Variants in INTS9 observed in about 807,000 individuals in gnomAD.
INTS9 encodes the protein integrator complex subunit 9, also known as protein related to CPSF subunits of 74 kDa.
In INTS9, 55 loss-of-function variants were observed where a neutral mutation model predicts 79.7. The ratio of observed to expected loss-of-function variants is 0.69; its 90% CI spans 0.56 to 0.86. The LOEUF is 0.86. Among genes scored for constraint, INTS9 ranks in the 40% least tolerant of loss-of-function variants. INTS9 has a pLI of 0.00. For synonymous variants in INTS9, 319 were observed against 325.2 expected (o/e 0.98, Z 0.20); for missense variants, 721 against 831.5 (o/e 0.87, Z 1.64).
chr8:28,774,162 C>G (rs960703931), intron 14 of INTS9, among the ~76,000 whole-genome samples: 1 of 152,180 alleles, frequency 6.6e-6, no homozygotes, highest in Non-Finnish European at 1.5e-5. Flanking sequence ...AAAAAGACGA[C>G]AGTGTATGAG....
At chr8:28,825,077 G>T (rs10102198) in intron 6 of INTS9, among the ~76,000 whole-genome samples, 59,333 of 152,036 alleles carry the variant, frequency 0.39, 12,749 homozygotes, top group Non-Finnish European at 0.49. Context: ...TTCTGAACTT[G>T]ACAGGACTCA....
intron 9 of INTS9, among the ~76,000 whole-genome samples, chr8:28,794,430 T>A (rs1376611748): frequency 6.6e-6 from 1 of 152,216 alleles, no homozygotes; most frequent in Non-Finnish European, 1.5e-5. Flanking sequence ...TCATTAACAT[T>A]TGTCTGCAGG....
At chr8:28,870,260 C>G (rs1809007543) in intron 1 of INTS9, among the ~76,000 whole-genome samples, 1 of 149,266 alleles carries the variant, frequency 6.7e-6, no homozygotes, top group Non-Finnish European at 1.5e-5. Context: ...TACTGGAACT[C>G]TCACTTTCTA....
In INTS9 at chr8:28,770,020, G is replaced by C. The variant is rs1563235866; in HGVS notation, c.1669C>G (p.Pro557Ala). ...KDNKHLLQPP[P>A]RPAQPTSGKK... ...CCGCTCGTGGGCTGGGCGGGCCGAG[G>C]AGGGGGCTAGAGCAGAAGGAAAGAG... Residue 557 changes from proline (P) to alanine (A), a missense_variant, in exon 16 of 17, where the codon CCT (proline) becomes GCT (alanine). Coordinates refer to ENST00000521022, the MANE Select transcript of INTS9 (RefSeq NM_018250.4). The C allele has an allele frequency of 6.2e-7, 1 of 1,613,822 alleles. No homozygotes were observed. The highest frequency in any genetic ancestry group is 8.5e-7 in the Non-Finnish European group (1 of 1,179,992).
intron 1 of INTS9, among the ~76,000 whole-genome samples, chr8:28,870,216 T>G (rs1809003847): frequency 6.6e-6 from 1 of 152,068 alleles, no homozygotes; most frequent in Non-Finnish European, 1.5e-5. Flanking sequence ...CCAAACTGAT[T>G]GAAGTGGTTA....
chr8:28,777,903 T>C lies in INTS9; in HGVS notation c.1321A>G (p.Met441Val), dbSNP rs757196607. The stretch of plus-strand genomic sequence containing the variant: ...TCGATGGGGCAGTAGATGCATTTCA[T>C]GGCCAGCGGCTGGTAAGGAGCCAGG... ...EALAPYQPLA[M>V]KCIYCPIDTR... The change falls in exon 13 of 17, where the codon ATG becomes GTG. Residue 441 changes from methionine (M) to valine (V), a missense_variant. Physicochemically the swap from Met to Val is conservative, Grantham distance 21 (BLOSUM62 1). Coordinates refer to ENST00000521022, the MANE Select transcript of INTS9 (RefSeq NM_018250.4). The C allele has an allele frequency of 8.1e-6, 13 of 1,612,750 alleles. No individual in the cohort carries two copies. The highest frequency in any genetic ancestry group is 1.6e-4 in the Middle Eastern group (1 of 6,078).
chr8:28,863,346 G>A (rs1419361394), intron 1 of INTS9, among the ~76,000 whole-genome samples: 1 of 152,132 alleles, frequency 6.6e-6, no homozygotes, highest in Admixed American at 6.5e-5. Context: ...AAGTTTTTCT[G>A]TGATCACAAT....
At chr8:28,769,660 T>G in intron 16 of INTS9, 1 of 536,366 alleles carries the variant, frequency 1.9e-6, no homozygotes, top group Non-Finnish European at 3.3e-6. Flanking sequence ...TTCTTCAGTC[T>G]GGAGAGGCCT....
At chr8:28,797,413 AC>A in intron 8 of INTS9, among the ~76,000 whole-genome samples, 1 of 152,290 alleles carries the variant, frequency 6.6e-6, no homozygotes, top group African/African-American at 2.4e-5. Flanking sequence ...GACCTCAGTC[AC>A]AGCTCTGAGC....
At chr8:28,864,979 C>T (rs1407054243) in intron 1 of INTS9, among the ~76,000 whole-genome samples, 1 of 145,130 alleles carries the variant, frequency 6.9e-6, no homozygotes, top group African/African-American at 2.6e-5. Flanking sequence ...CAGTGAGACA[C>T]CGTCTCAAAA....
intron 14 of INTS9, among the ~76,000 whole-genome samples, chr8:28,772,737 G>A (rs928016367): frequency 2.0e-5 from 3 of 152,008 alleles, no homozygotes; most frequent in African/African-American, 7.3e-5. Flanking sequence ...AACTCAGGAG[G>A]TGGAGCTTGC....
chr8:28,768,250 G>A lies in INTS9; in HGVS notation c.1873C>T (p.Leu625Phe). 6.2e-7 allele frequency: 1 copy of A among 1,614,130 alleles called. No homozygotes were observed. The highest frequency in any genetic ancestry group is 8.5e-7 in the Non-Finnish European group (1 of 1,180,022). ...HIVLLQEAET[L>F]IQIEEDSTHI... ...GTCGAGTCTTCTTCAATCTGGATGA[G>A]CGTCTCAGCCTCCTGGAGCAGGACG... Residue 625 changes from leucine to phenylalanine, a missense_variant, in exon 17 of 17, where the codon CTC becomes TTC. Coordinates refer to ENST00000521022, the MANE Select transcript of INTS9 (RefSeq NM_018250.4).
At chr8:28,823,466 C>T (rs954511674) in intron 6 of INTS9, among the ~76,000 whole-genome samples, 3 of 152,174 alleles carry the variant, frequency 2.0e-5, no homozygotes, top group Admixed American at 6.5e-5. Context: ...TCACACTTTC[C>T]CAATGTCCTG....
At chr8:28,831,224 C>T (rs991759477) in intron 6 of INTS9, among the ~76,000 whole-genome samples, 8 of 152,198 alleles carry the variant, frequency 5.3e-5, no homozygotes, top group African/African-American at 1.2e-4. Flanking sequence ...AACCAAACAC[C>T]GCGTGTTCTC....
Position 28,780,880 on chromosome 8 carries a change from C to T in INTS9, c.1213G>A (p.Val405Met), listed in dbSNP as rs1431810426. The T allele has an allele frequency of 1.9e-6, 3 of 1,614,206 alleles. No individual in the cohort carries two copies. The highest frequency in any genetic ancestry group is 2.5e-6 in the Non-Finnish European group (3 of 1,180,046). Residue 405 changes from valine to methionine, a missense_variant, in exon 12 of 17, where the codon GTG (valine) becomes ATG (methionine). By Grantham distance (21) the Val-to-Met change is conservative. Transcript: ENST00000521022. ...TGHPSLRFGD[V>M]VHFMELWGKS... Reference sequence around the variant, plus strand: ...CCCCAGAGCTCCATGAAGTGGACCACGTCCCCGAAGCGGAGGGAAGGGTGC... The same window carrying T: ...CCCCAGAGCTCCATGAAGTGGACCATGTCCCCGAAGCGGAGGGAAGGGTGC...
rs1269159010 is a variant in INTS9 at position 28,793,853 on chromosome 8, G to A, written c.991C>T (p.Pro331Ser). Residue 331 changes from proline (P) to serine (S), a missense_variant, in exon 10 of 17, where the codon CCT becomes TCT. This residue lies in a region of INTS9 where 149 missense variants were observed against 223.7 expected (regional missense o/e 0.67). Coordinates refer to ENST00000521022, the MANE Select transcript of INTS9 (RefSeq NM_018250.4). ...LSSVPLYFIS[P>S]VANSSLEFSQ... Reference sequence around the variant, plus strand: ...AACTCCAGTGAACTGTTGGCCACAGGGGAGATGAAGTAGAGGGGGACGCTG... The same window carrying A: ...AACTCCAGTGAACTGTTGGCCACAGAGGAGATGAAGTAGAGGGGGACGCTG... 24 of 1,613,852 alleles carry A rather than the reference G, an allele frequency of 1.5e-5. No individual in the cohort carries two copies. Among genetic ancestry groups the A allele is most frequent in the Non-Finnish European group, 2.0e-5 (24 of 1,179,908 alleles).
chr8:28,818,406 T>A (rs1216226835), intron 6 of INTS9, among the ~76,000 whole-genome samples: 17 of 150,414 alleles, frequency 1.1e-4, no homozygotes, highest in Non-Finnish European at 2.4e-4. Context: ...TCTATTGAGA[T>A]AATCATGTGG....
At chr8:28,813,349 CG>C in intron 7 of INTS9, 142 bp downstream of exon 7, 1 of 801,584 alleles carries the variant, frequency 1.2e-6, no homozygotes, top group Non-Finnish European at 2.0e-6. Flanking sequence ...AAATCCTGCG[CG>C]GAACGGAGGA....
intron 10 of INTS9, among the ~76,000 whole-genome samples, chr8:28,793,286 C>T (rs547884267): frequency 2.0e-5 from 3 of 152,298 alleles, no homozygotes; most frequent in East Asian, 1.9e-4. Flanking sequence ...TACATTCAAA[C>T]ATGCACCTAA....
Sources: allele counts gnomAD v4.1 joint callset (sites outside exome capture counted in the v4.1 genomes callset), GRCh38; gene constraint gnomAD v4.1.1; regional missense constraint gnomAD v4.1.1; transcripts MANE v1.5; gene names NCBI Gene and HGNC (gene_info 2026-07-23, HGNC 2026-07-21).